LRCH2: variants seen among roughly 807,000 people sequenced by gnomAD.
LRCH2 encodes the protein leucine-rich repeat and calponin homology domain-containing protein 2.
In LRCH2, 38 loss-of-function variants were observed where a neutral mutation model predicts 68.9. The observed-to-expected ratio is 0.55, with a 90% CI of 0.43 to 0.72. The LOEUF (loss-of-function observed/expected upper bound fraction) is 0.72, where lower values mean the gene tolerates loss of function less well. LRCH2 is among the 30% of genes least tolerant of loss of function. LRCH2 has a pLI of 0.00. For missense variants in LRCH2, 528 were observed against 572.9 expected, an observed-to-expected ratio of 0.92 and a Z score of 0.80; for synonymous variants, 191 against 208.1, an observed-to-expected ratio of 0.92 and a Z score of 0.71.
At chrX:115,177,533 T>G (rs1445023432) in intron 5 of LRCH2, among the ~76,000 whole-genome samples, 1 of 112,075 alleles carries the variant, frequency 8.9e-6, no homozygotes, top group Non-Finnish European at 1.9e-5. Flanking sequence ...GTATGCGGTC[T>G]CGCTCTTGCT....
At chrX:115,233,387 G>T (rs2073165220) in intron 1 of LRCH2, among the ~76,000 whole-genome samples, 1 of 112,017 alleles carries the variant, frequency 8.9e-6, no homozygotes, top group Admixed American at 9.5e-5. Context: ...AGAGTTGAAA[G>T]AAGTGCATTA....
At chrX:115,196,517 G>C (rs782487379) in intron 1 of LRCH2, among the ~76,000 whole-genome samples, 1 of 111,341 alleles carries the variant, frequency 9.0e-6, no homozygotes, top group Non-Finnish European at 1.9e-5. Flanking sequence ...AACATGAACT[G>C]TGGGGGCCAG....
At chrX:115,135,816 C>T (rs782799389) in intron 14 of LRCH2, among the ~76,000 whole-genome samples, 2 of 112,122 alleles carry the variant, frequency 1.8e-5, no homozygotes, top group Non-Finnish European at 1.9e-5. Context: ...CAAGACCCCC[C>T]ACCAGTAAAA....
At chrX:115,124,763 G>T (rs1431364475) in intron 16 of LRCH2, among the ~76,000 whole-genome samples, 6 of 111,676 alleles carry the variant, frequency 5.4e-5, no homozygotes, top group Non-Finnish European at 1.1e-4. Context: ...TATTAACTAA[G>T]ATAGTTTGGA....
At chrX:115,150,332 A>T (rs1556537980) in intron 12 of LRCH2, among the ~76,000 whole-genome samples, 1 of 111,155 alleles carries the variant, frequency 9.0e-6, no homozygotes, top group Non-Finnish European at 1.9e-5. Flanking sequence ...CCCAGAAGCT[A>T]AAATAAGTGA....
chrX:115,131,725 G>C (rs2072247303), intron 14 of LRCH2, among the ~76,000 whole-genome samples: 1 of 111,836 alleles, frequency 8.9e-6, no homozygotes, highest in Non-Finnish European at 1.9e-5. Context: ...CCCACCAACA[G>C]TGTAAAAGTG....
rs782725329 is a variant in LRCH2, at chrX:115,125,362, G to A, written c.1792-1360C>T. Reference sequence around the variant, plus strand: ...GTGGAGGTTGCAGTGACCTGAGATCGTGCCACTGCACTCCAGCCTAGGCAA... The same window carrying A: ...GTGGAGGTTGCAGTGACCTGAGATCATGCCACTGCACTCCAGCCTAGGCAA... On this transcript the variant is annotated intron_variant, in intron 16 of 20. Transcript: ENST00000317135. Among the ~76,000 whole-genome samples the A allele has an allele frequency of 3.2e-3, 304 of 95,629 alleles. 1 individual carries two copies. The highest frequency in any genetic ancestry group is 5.0e-3 in the Non-Finnish European group (241 of 48,318). 83.0% of individuals were successfully genotyped at this position (95,629 alleles called of 115,157 possible).
At chrX:115,233,504 G>A (rs1429666922) in intron 1 of LRCH2, among the ~76,000 whole-genome samples, 189 bp downstream of exon 1, 6 of 111,754 alleles carry the variant, frequency 5.4e-5, no homozygotes, top group African/African-American at 2.0e-4. Flanking sequence ...CCTTCAGGCA[G>A]CATTCCTCCC....
At chrX:115,219,748 T>C (rs782100928) in intron 1 of LRCH2, among the ~76,000 whole-genome samples, 1 of 111,960 alleles carries the variant, frequency 8.9e-6, no homozygotes, top group South Asian at 3.8e-4. Flanking sequence ...AAATAGGAGA[T>C]AATAAGCTGC....
At chrX:115,182,019 A>G (rs1603065313) in intron 3 of LRCH2, among the ~76,000 whole-genome samples, 1 of 111,559 alleles carries the variant, frequency 9.0e-6, no homozygotes, top group Admixed American at 9.5e-5. Flanking sequence ...ATTAGGTATT[A>G]TAAGTAATCT....
At chrX:115,220,114 G>A (rs1556572978) in intron 1 of LRCH2, among the ~76,000 whole-genome samples, 1 of 112,197 alleles carries the variant, frequency 8.9e-6, no homozygotes, top group Non-Finnish European at 1.9e-5. Context: ...TGCATTATCT[G>A]TCCTAAAGAA....
chrX:115,189,979 G>A (rs781800482), intron 1 of LRCH2: 12 of 1,162,486 alleles, frequency 1.0e-5, no homozygotes, highest in Middle Eastern at 2.3e-4. Context: ...TGGAATGCGC[G>A]GGAAGGCACC....
chrX:115,196,400 G>A (rs2072887637), intron 1 of LRCH2, among the ~76,000 whole-genome samples: 1 of 111,119 alleles, frequency 9.0e-6, no homozygotes, highest in Non-Finnish European at 1.9e-5. Context: ...TACACTGCCT[G>A]CCCCACCCCC....
At chrX:115,231,477 T>C (rs73224806) in intron 1 of LRCH2, among the ~76,000 whole-genome samples, 21 of 111,032 alleles carry the variant, frequency 1.9e-4, no homozygotes, top group Non-Finnish European at 3.0e-4. Context: ...CAAAAACAAA[T>C]GGCAAATGAG....
At chrX:115,195,811 C>A (rs1479616600) in intron 1 of LRCH2, among the ~76,000 whole-genome samples, 4 of 111,472 alleles carry the variant, frequency 3.6e-5, no homozygotes, top group Non-Finnish European at 7.5e-5. Context: ...AGCAGAGCAC[C>A]CTGACCCACC....
In LRCH2 at chrX:115,150,065, G is replaced by A. The variant is rs1339633413; in HGVS notation, c.1535C>T (p.Ser512Leu). Residue 512 changes from serine (S) to leucine (L), a missense_variant, in exon 13 of 21, where the codon TCA becomes TTA. Transcript: ENST00000317135. The part of the protein sequence containing the change: ...KQTVECEKSV[S>L]ADEVNSPLSP... ...TAATGGTGAATTAACTTCATCTGCT[G>A]AGACACTAAAAAATTGAAGATGCCT... The A allele has an allele frequency of 8.6e-7, 1 of 1,156,139 alleles. No homozygotes were observed. The highest frequency in any genetic ancestry group is 1.2e-6 in the Non-Finnish European group (1 of 865,684).
intron 1 of LRCH2, among the ~76,000 whole-genome samples, chrX:115,211,536 T>C (rs1411037024): frequency 8.9e-6 from 1 of 112,034 alleles, no homozygotes; most frequent in Non-Finnish European, 1.9e-5. Flanking sequence ...GAAGCAAAGA[T>C]AGACTGAATG....
At chrX:115,215,243 A>G (rs996907405) in intron 1 of LRCH2, among the ~76,000 whole-genome samples, 25 of 111,809 alleles carry the variant, frequency 2.2e-4, no homozygotes, top group African/African-American at 7.2e-4. Flanking sequence ...TAATATAAAG[A>G]AAGAATTCAC....
intron 12 of LRCH2, among the ~76,000 whole-genome samples, chrX:115,152,409 A>G (rs2072439016): frequency 8.9e-6 from 1 of 112,006 alleles, no homozygotes; most frequent in Non-Finnish European, 1.9e-5. Flanking sequence ...GCAATGTTCA[A>G]GAAGCTAAAG....
Sources: allele counts gnomAD v4.1 joint callset (sites outside exome capture counted in the v4.1 genomes callset), GRCh38; gene constraint gnomAD v4.1.1; transcripts MANE v1.5; gene names NCBI Gene and HGNC (gene_info 2026-07-23, HGNC 2026-07-21).